The following VASH2 variants were observed in gnomAD, a reference collection of about 807,000 sequenced individuals.
The protein encoded by VASH2 is vasohibin 2, also known as tubulinyl-Tyr carboxypeptidase 2.
VASH2 carries 28 observed loss-of-function variants against 37.2 expected under a neutral mutation model. That is an observed-to-expected ratio of 0.75 (90% CI 0.56 to 1.03). The LOEUF is 1.03. Among genes scored for constraint, VASH2 ranks in the 50% least tolerant of loss-of-function variants. The pLI is 0.00. For synonymous variants in VASH2, 188 were observed against 174.7 expected, an observed-to-expected ratio of 1.08 and a Z score of -0.60; for missense variants, 419 against 459.1, an observed-to-expected ratio of 0.91 and a Z score of 0.80.
In VASH2 at chr1:212,951,552, T is replaced by C; in HGVS notation, c.10T>C (p.Ser4Pro). ...CCGCCCAGGCCCCACCATGACCGGC[T>C]CCGCGGCCGACACTCACCGCTGCCC... Reference protein sequence around the residue: MTGSAADTHRCPHP... With the variant: MTGPAADTHRCPHP... Residue 4 changes from serine to proline, a missense_variant, in exon 2 of 8, where the codon TCC becomes CCC. Physicochemically the swap from Ser to Pro is moderately conservative, Grantham distance 74. This residue lies in a region of VASH2 where 158 missense variants were observed against 163.0 expected (regional missense o/e 0.97). Transcript: ENST00000517399. The surrounding 1 kb of genome is among the most constrained non-coding windows in gnomAD (Gnocchi z 4.4). 2.6e-6 allele frequency: 4 copies of C among 1,520,062 alleles called. No homozygotes were observed. The highest frequency in any genetic ancestry group is 3.5e-6 in the Non-Finnish European group (4 of 1,133,856). The allele number at this position is 1,520,062 out of a possible 1,614,324, so 94.2% of individuals were successfully genotyped here. A position where few individuals can be genotyped will look rare whatever the true frequency, so the allele number is the denominator to read the frequency against.
In VASH2 at chr1:212,956,045, C is replaced by G. The variant is rs117357699; in HGVS notation, c.276+4227C>G. On this transcript the variant is annotated intron_variant, in intron 2 of 7. Coordinates refer to ENST00000517399, the MANE Select transcript of VASH2 (RefSeq NM_001301056.2). Reference sequence around the variant, plus strand: ...CATAGTGTTTTCAGAGTAGGGATGACAAAAGGTTTTGAATTCCCCTTGCTC... The same window carrying G: ...CATAGTGTTTTCAGAGTAGGGATGAGAAAAGGTTTTGAATTCCCCTTGCTC... Among the ~76,000 whole-genome samples, 279 of 152,330 alleles carry G rather than the reference C, an allele frequency of 1.8e-3. 5 individuals are homozygous for G. The East Asian group carries it at 0.049, about 27-fold the overall frequency.
Position 212,972,705 on chromosome 1 carries a change from G to C in VASH2, c.623G>C (p.Gly208Ala), listed in dbSNP as rs190097084. 1.4e-5 allele frequency: 23 copies of C among 1,614,222 alleles called. No individual in the cohort carries two copies. In the Admixed American group the frequency reaches 2.7e-4, roughly 19 times the overall value. The change falls in exon 6 of 8, where the codon GGC becomes GCC. Residue 208 changes from glycine (G) to alanine (A), a missense_variant. Transcript: ENST00000517399. Reference sequence around the variant, plus strand: ...TGCAATGGCCGCTATGGCTCATTGGGCATGAGCCGCAGGGCTGAGCTGATG... The same window carrying C: ...TGCAATGGCCGCTATGGCTCATTGGCCATGAGCCGCAGGGCTGAGCTGATG... ...IYCNGRYGSL[G>A]MSRRAELMDK... is the part of the protein sequence containing the mutation.
intron 5 of VASH2, chr1:212,967,509 G>A: frequency 9.3e-7 from 1 of 1,078,850 alleles, no homozygotes; most frequent in Non-Finnish European, 1.2e-6. Context: ...AGGTCCTTGA[G>A]CGCTGTGCTG....
intron 2 of VASH2, among the ~76,000 whole-genome samples, chr1:212,953,232 G>GGGT (rs1553271279): frequency 7.2e-5 from 9 of 125,296 alleles, no homozygotes; most frequent in African/African-American, 2.0e-4. Flanking sequence ...CGGGTGCGCG[G>GGGT]GGGGGGGTGC....
At chr1:212,961,909 C>G (rs1479970228) in intron 3 of VASH2, among the ~76,000 whole-genome samples, 1 of 152,200 alleles carries the variant, frequency 6.6e-6, no homozygotes, top group Non-Finnish European at 1.5e-5. Context: ...CCTCCACTGT[C>G]TATTGCCTTC....
intron 7 of VASH2, among the ~76,000 whole-genome samples, chr1:212,981,027 G>T (rs7530271): frequency 0.041 from 6,306 of 152,276 alleles, 244 homozygotes; most frequent in African/African-American, 0.1. Context: ...AGGAGCCTCT[G>T]TGAGCTCCCC....
intron 5 of VASH2, chr1:212,967,779 A>G (rs2102637700): frequency 6.5e-6 from 1 of 154,200 alleles, no homozygotes; most frequent in East Asian, 1.9e-4. Context: ...GATAGAATGT[A>G]TAGGACTTGC....
In VASH2 at chr1:212,952,266, G is replaced by C. The variant is rs561281805; in HGVS notation, c.276+448G>C. On this transcript the variant is annotated intron_variant, in intron 2 of 7. Transcript: ENST00000517399. ...CCCAGCAAATGATTTATTAAGCTGT[G>C]AATGAATTTGAAATCAACCAGTCAG... is the stretch of plus-strand genomic sequence containing the variant. 2.0e-5 allele frequency among the ~76,000 whole-genome samples: 3 copies of C among 152,246 alleles called. No homozygotes were observed. The East Asian group carries it at 5.8e-4, about 29-fold the overall frequency.
chr1:212,977,860 A>C (rs1029456413), intron 7 of VASH2, among the ~76,000 whole-genome samples: 1 of 152,158 alleles, frequency 6.6e-6, no homozygotes. Context: ...TGGTCCGGGG[A>C]CCACACTTTG....
At chr1:212,967,528 C>CT in intron 5 of VASH2, 1 of 996,534 alleles carries the variant, frequency 1.0e-6, no homozygotes. Context: ...TGAGAAATGA[C>CT]TTTTTTCCAA....
intron 4 of VASH2, 21 bp downstream of exon 4, chr1:212,965,799 G>A (rs1666823363): frequency 6.5e-7 from 1 of 1,549,092 alleles, no homozygotes; most frequent in East Asian, 2.4e-5. Flanking sequence ...CATGATCTAT[G>A]GGCCAGATGA....
At chr1:212,967,092 G>T (rs2102636629) in intron 5 of VASH2, 1 of 1,304,266 alleles carries the variant, frequency 7.7e-7, no homozygotes, top group Non-Finnish European at 1.0e-6. Flanking sequence ...CCAAGCAGTG[G>T]TGGTGTATCC....
chr1:212,958,373 A>C (rs1377767914), intron 2 of VASH2, among the ~76,000 whole-genome samples: 1 of 152,206 alleles, frequency 6.6e-6, no homozygotes, highest in Admixed American at 6.5e-5. Flanking sequence ...GTGTGGCCAC[A>C]GCTCCTGCAC....
At chr1:212,967,627 A>G (rs997405444) in intron 5 of VASH2, 4 of 215,190 alleles carry the variant, frequency 1.9e-5, no homozygotes, top group African/African-American at 6.8e-5. Flanking sequence ...TCCAAAGCAC[A>G]GGCTGAAGGA....
In VASH2 at chr1:212,971,035, C is replaced by T. The variant is rs1666998012; in HGVS notation, c.498-1545C>T. On this transcript the variant is annotated intron_variant, in intron 5 of 7. Coordinates refer to ENST00000517399, the MANE Select transcript of VASH2 (RefSeq NM_001301056.2). This position sits in a 1 kb window ranked among gnomAD's most constrained non-coding sequence, Gnocchi z 4.0. The stretch of plus-strand genomic sequence containing the variant: ...TATGCACTTGCTACTCCAGGTACCG[C>T]AGATGAGTGGAATCATACCATATTT... Among the ~76,000 whole-genome samples the T allele has an allele frequency of 6.6e-6, 1 of 152,186 alleles. No homozygotes were observed. Among genetic ancestry groups the T allele is most frequent in the African/African-American group, 2.4e-5 (1 of 41,444 alleles).
intron 7 of VASH2, 148 bp downstream of exon 7, chr1:212,974,218 T>C: frequency 1.8e-6 from 2 of 1,096,654 alleles, no homozygotes; most frequent in South Asian, 3.6e-5. Context: ...TCAGGGGACA[T>C]CTGTGGAAAA....
chr1:212,961,703 A>T (rs1417176244), intron 3 of VASH2, among the ~76,000 whole-genome samples: 1 of 152,158 alleles, frequency 6.6e-6, no homozygotes, highest in African/African-American at 2.4e-5. Context: ...CCTGGGTGCA[A>T]GTGATTCTCC....
At chr1:212,968,849 A>G (rs1666923946) in intron 5 of VASH2, 1 of 985,498 alleles carries the variant, frequency 1.0e-6, no homozygotes, top group Admixed American at 6.1e-5. Flanking sequence ...GGGGTAGACA[A>G]GCTAACTTCA....
chr1:212,960,279 G>A (rs1666634687), intron 2 of VASH2, among the ~76,000 whole-genome samples: 1 of 152,192 alleles, frequency 6.6e-6, no homozygotes, highest in African/African-American at 2.4e-5. Context: ...CGTCTGCTGT[G>A]TTGTAGACAT....
Sources: gnomAD v4.1 joint callset for allele counts (sites outside exome capture counted in the v4.1 genomes callset) on GRCh38, gnomAD v4.1.1 for gene constraint, gnomAD v4.1.1 regional missense constraint, Gnocchi (gnomAD v3.1) non-coding constraint, MANE v1.5 for transcripts, NCBI Gene and HGNC (gene_info 2026-07-23, HGNC 2026-07-21) for gene names.